The following CTNND2 variants were observed in gnomAD, a reference collection of about 807,000 sequenced individuals.
CTNND2 encodes the protein catenin delta 2.
Under a neutral mutation model 144.4 loss-of-function variants are expected in CTNND2, and 22 were observed. The observed-to-expected ratio is 0.15, with a 90% CI of 0.11 to 0.22. The LOEUF is 0.22. Ranked by LOEUF, CTNND2 falls within the 10% of genes least tolerant of loss-of-function variation. CTNND2 has a pLI of 1.00. For synonymous variants in CTNND2, 751 were observed against 695.6 expected (o/e 1.08, Z -1.25); for missense variants, 1,353 against 1,618.8 (o/e 0.84, Z 2.82).
intron 3 of CTNND2, among the ~76,000 whole-genome samples, chr5:11,502,327 T>C (rs1344284396): frequency 6.6e-6 from 1 of 152,168 alleles, no homozygotes; most frequent in African/African-American, 2.4e-5. Flanking sequence ...TACAAACTGT[T>C]ACCTTTCTTC....
intron 18 of CTNND2, among the ~76,000 whole-genome samples, chr5:11,012,065 T>C (rs913515598): frequency 6.6e-6 from 1 of 152,210 alleles, no homozygotes; most frequent in Non-Finnish European, 1.5e-5. Flanking sequence ...GAGACGGCAC[T>C]TGCCAATCAA....
At chr5:11,493,906 C>T (rs1004164422) in intron 3 of CTNND2, among the ~76,000 whole-genome samples, 20 of 152,102 alleles carry the variant, frequency 1.3e-4, no homozygotes, top group African/African-American at 4.8e-4. Flanking sequence ...GGTTAATTTA[C>T]TATTATTGTA....
chr5:11,328,467 T>TTGTTTTTTG (rs776859089), intron 9 of CTNND2, among the ~76,000 whole-genome samples: 1 of 151,898 alleles, frequency 6.6e-6, no homozygotes, highest in Admixed American at 6.6e-5. Context: ...TTTTTTGTTG[T>TTGTTTTTTG]TGTTTTTTGT....
At chr5:11,292,318 T>G (rs1254614815) in intron 9 of CTNND2, among the ~76,000 whole-genome samples, 2 of 152,124 alleles carry the variant, frequency 1.3e-5, no homozygotes, top group African/African-American at 2.4e-5. Flanking sequence ...GAGGTCATAC[T>G]GGAGTAGGGT....
chr5:11,859,573 T>A (rs142277339), intron 1 of CTNND2, among the ~76,000 whole-genome samples: 1 of 152,206 alleles, frequency 6.6e-6, no homozygotes, highest in Non-Finnish European at 1.5e-5. Flanking sequence ...CACTACTTGC[T>A]TTCAATACAG....
At chr5:11,854,949 T>C (rs1390267740) in intron 1 of CTNND2, among the ~76,000 whole-genome samples, 1 of 152,244 alleles carries the variant, frequency 6.6e-6, no homozygotes, top group East Asian at 1.9e-4. Flanking sequence ...TATTCTCTTC[T>C]AAACTGGGCC....
intron 2 of CTNND2, among the ~76,000 whole-genome samples, chr5:11,654,269 G>T (rs992130511): frequency 6.6e-6 from 1 of 152,020 alleles, no homozygotes; most frequent in African/African-American, 2.4e-5. Flanking sequence ...TGTAAAGAAT[G>T]TCATTGGGAT....
intron 18 of CTNND2, among the ~76,000 whole-genome samples, chr5:11,011,000 A>G (rs1741017331): frequency 1.3e-5 from 2 of 152,240 alleles, no homozygotes; most frequent in African/African-American, 4.8e-5. Flanking sequence ...GCAGTCTGGC[A>G]TTCTTCAAGA....
At chr5:11,629,919 T>C (rs1408187586) in intron 2 of CTNND2, among the ~76,000 whole-genome samples, 1 of 152,152 alleles carries the variant, frequency 6.6e-6, no homozygotes, top group Non-Finnish European at 1.5e-5. Context: ...AAAATGCTAA[T>C]TAAAATTAAT....
intron 1 of CTNND2, among the ~76,000 whole-genome samples, chr5:11,765,206 T>G (rs1789511452): frequency 6.6e-6 from 1 of 152,220 alleles, no homozygotes; most frequent in Non-Finnish European, 1.5e-5. Context: ...AGAGAGTCTC[T>G]ATAATGAAAC....
chr5:11,660,815 A>T (rs1242674054), intron 2 of CTNND2, among the ~76,000 whole-genome samples: 2 of 152,206 alleles, frequency 1.3e-5, no homozygotes, highest in Non-Finnish European at 2.9e-5. Context: ...GGCATAAATT[A>T]TCCAGATGAT....
chr5:11,413,017 A>G (rs969391383), intron 3 of CTNND2, among the ~76,000 whole-genome samples: 2 of 152,184 alleles, frequency 1.3e-5, no homozygotes, highest in Non-Finnish European at 2.9e-5. Context: ...GGTATAAATC[A>G]ATGTTCAGAA....
In CTNND2 at chr5:11,499,773, A is replaced by G. The variant is rs61757500; in HGVS notation, c.287+65171T>C. ...TTAAGTCAGAATCCAAAAAATCTGT[A>G]CATTTAATTTTTAAATTTATCTTAA... On this transcript the variant is annotated intron_variant, in intron 3 of 21. Transcript: ENST00000304623. Among the ~76,000 whole-genome samples the G allele has an allele frequency of 9.9e-3, 1,505 of 152,342 alleles. 2 individuals carry two copies. The highest frequency in any genetic ancestry group is 0.015 in the Non-Finnish European group (994 of 68,030).
intron 9 of CTNND2, among the ~76,000 whole-genome samples, chr5:11,289,918 AT>A (rs1748142947): frequency 6.6e-6 from 1 of 152,188 alleles, no homozygotes; most frequent in African/African-American, 2.4e-5. Context: ...AAGGTGCTGA[AT>A]TCTGGAGTAG....
At chr5:10,975,325 GT>G (rs1736316624) in intron 21 of CTNND2, among the ~76,000 whole-genome samples, 1 of 152,128 alleles carries the variant, frequency 6.6e-6, no homozygotes, top group Non-Finnish European at 1.5e-5. Flanking sequence ...TGTGTTTCTT[GT>G]TCAGCAGGGC....
chr5:11,617,728 ACACACTGG>A (rs998462135), intron 2 of CTNND2, among the ~76,000 whole-genome samples: 1 of 152,340 alleles, frequency 6.6e-6, no homozygotes, highest in Admixed American at 6.5e-5. Flanking sequence ...AAATAAGGGC[ACACACTGG>A]GTCAAAGTTA....
chr5:11,683,445 T>C (rs542987069), intron 2 of CTNND2, among the ~76,000 whole-genome samples: 1 of 152,374 alleles, frequency 6.6e-6, no homozygotes, highest in South Asian at 2.1e-4. Flanking sequence ...AAGCCATTAA[T>C]AGAATACTCA....
intron 1 of CTNND2, among the ~76,000 whole-genome samples, chr5:11,814,617 G>A (rs546729390): frequency 3.9e-5 from 6 of 152,358 alleles, no homozygotes; most frequent in South Asian, 2.1e-4. Context: ...GAGAGCCACC[G>A]TTGGTTAACG....
chr5:11,857,139 T>C (rs1795289263), intron 1 of CTNND2, among the ~76,000 whole-genome samples: 2 of 152,204 alleles, frequency 1.3e-5, no homozygotes, highest in Non-Finnish European at 2.9e-5. Context: ...CTAAATAATA[T>C]AAACATTGGT....
Sources: allele counts gnomAD v4.1 joint callset (sites outside exome capture counted in the v4.1 genomes callset), GRCh38; gene constraint gnomAD v4.1.1; transcripts MANE v1.5; gene names NCBI Gene and HGNC (gene_info 2026-07-23, HGNC 2026-07-21).